The following CCSER1 variants were observed in gnomAD, a reference collection of about 807,000 sequenced individuals.
CCSER1 encodes the protein serine-rich coiled-coil domain-containing protein 1.
Under a neutral mutation model 82.0 loss-of-function variants are expected in CCSER1, and 41 were observed. That is an observed-to-expected ratio of 0.50 (90% CI 0.39 to 0.65). The LOEUF (loss-of-function observed/expected upper bound fraction) is 0.65, where lower values mean the gene tolerates loss of function less well. CCSER1 is among the 30% of genes least tolerant of loss of function. CCSER1 has a pLI of 0.00. For synonymous variants in CCSER1, 414 were observed against 383.9 expected (o/e 1.08, Z -0.92); for missense variants, 1,119 against 1,064.2 (o/e 1.05, Z -0.72).
chr4:91,108,852 G>A (rs1263467082), intron 10 of CCSER1, among the ~76,000 whole-genome samples: 1 of 152,128 alleles, frequency 6.6e-6, no homozygotes, highest in Non-Finnish European at 1.5e-5. Context: ...ATTATTTTTG[G>A]GTATGTCTGC....
intron 5 of CCSER1, among the ~76,000 whole-genome samples, chr4:90,506,199 C>A (rs1770655508): frequency 6.6e-6 from 1 of 151,768 alleles, no homozygotes; most frequent in Admixed American, 6.6e-5. Context: ...GAAATTTTTC[C>A]CAAAGGGATA....
intron 8 of CCSER1, among the ~76,000 whole-genome samples, chr4:90,900,412 A>G (rs1420975952): frequency 6.6e-6 from 1 of 151,798 alleles, no homozygotes; most frequent in Non-Finnish European, 1.5e-5. Flanking sequence ...AAGAATCAAC[A>G]TTTTATTTCG....
intron 10 of CCSER1, among the ~76,000 whole-genome samples, chr4:91,271,702 T>C (rs1388877295): frequency 6.6e-6 from 1 of 151,700 alleles, no homozygotes; most frequent in Non-Finnish European, 1.5e-5. Context: ...ATATATATGA[T>C]ATACATATAT....
intron 5 of CCSER1, among the ~76,000 whole-genome samples, chr4:90,567,307 A>ATTTTTTTTT (rs34947960): frequency 3.5e-4 from 49 of 138,718 alleles, no homozygotes; most frequent in African/African-American, 1.2e-3. Context: ...TTGTCTCTGG[A>ATTTTTTTTT]TTTTTTTTTT....
chr4:91,126,637 A>G (rs1727545262), intron 10 of CCSER1, among the ~76,000 whole-genome samples: 1 of 152,026 alleles, frequency 6.6e-6, no homozygotes. Context: ...ATGGCAGCAT[A>G]TAAATTATTT....
intron 6 of CCSER1, among the ~76,000 whole-genome samples, chr4:90,672,342 C>CT (rs1017068615): frequency 6.6e-6 from 1 of 152,044 alleles, no homozygotes; most frequent in Non-Finnish European, 1.5e-5. Flanking sequence ...TCACCTTTCA[C>CT]TTTTATGTTA....
At chr4:90,289,945 TAGTG>T (rs1730607926) in intron 1 of CCSER1, among the ~76,000 whole-genome samples, 1 of 151,618 alleles carries the variant, frequency 6.6e-6, no homozygotes, top group Non-Finnish European at 1.5e-5. Flanking sequence ...TGCCCAAAGT[TAGTG>T]AGAGCAGAAA....
chr4:91,518,724 C>T (rs1442495261), intron 10 of CCSER1, among the ~76,000 whole-genome samples: 3 of 152,256 alleles, frequency 2.0e-5, no homozygotes, highest in African/African-American at 7.2e-5. Flanking sequence ...TTTCCTTAGA[C>T]CAAGAGAAAC....
At chr4:90,497,110 TAATC>T (rs1309506781) in intron 5 of CCSER1, among the ~76,000 whole-genome samples, 2 of 152,038 alleles carry the variant, frequency 1.3e-5, no homozygotes, top group East Asian at 1.9e-4. Flanking sequence ...GAAATGCTAA[TAATC>T]AAAGTAACAT....
chr4:91,299,480 A>G (rs1487974039), intron 10 of CCSER1, among the ~76,000 whole-genome samples: 3 of 151,956 alleles, frequency 2.0e-5, no homozygotes, highest in Non-Finnish European at 2.9e-5. Context: ...ACACTAATTT[A>G]TTTAGTACTT....
At chr4:90,233,896 A>G (rs1261382996) in intron 1 of CCSER1, among the ~76,000 whole-genome samples, 1 of 152,178 alleles carries the variant, frequency 6.6e-6, no homozygotes, top group African/African-American at 2.4e-5. Context: ...CATTTATTGG[A>G]CACAATTAAA....
intron 10 of CCSER1, among the ~76,000 whole-genome samples, chr4:91,098,544 A>ATT (rs1273556605): frequency 3.5e-4 from 51 of 145,522 alleles, no homozygotes; most frequent in Middle Eastern, 3.5e-3. Context: ...ACTGGAGATA[A>ATT]TTTTTTTTTT....
At chr4:91,425,614 C>A (rs1311497475) in intron 10 of CCSER1, among the ~76,000 whole-genome samples, 1 of 151,714 alleles carries the variant, frequency 6.6e-6, no homozygotes, top group Non-Finnish European at 1.5e-5. Context: ...AGAATGGACC[C>A]AATTCAACTT....
intron 3 of CCSER1, among the ~76,000 whole-genome samples, chr4:90,385,584 C>T (rs1429383660): frequency 6.6e-6 from 1 of 151,184 alleles, no homozygotes; most frequent in African/African-American, 2.4e-5. Context: ...CTCAGCCTCC[C>T]GAGTAGCTAG....
intron 1 of CCSER1, among the ~76,000 whole-genome samples, chr4:90,137,916 C>T (rs1417391357): frequency 6.6e-6 from 1 of 152,162 alleles, no homozygotes; most frequent in Non-Finnish European, 1.5e-5. Context: ...AAAGTAAACT[C>T]ATGGAAGCCC....
At chr4:91,266,643 G>T (rs572044687) in intron 10 of CCSER1, among the ~76,000 whole-genome samples, 3 of 152,070 alleles carry the variant, frequency 2.0e-5, no homozygotes, top group Non-Finnish European at 2.9e-5. Context: ...AAAGGGCTTG[G>T]TCTCATGTTA....
intron 3 of CCSER1, among the ~76,000 whole-genome samples, chr4:90,350,253 G>T (rs2153511200): frequency 6.6e-6 from 1 of 152,176 alleles, no homozygotes; most frequent in African/African-American, 2.4e-5. Flanking sequence ...GTGGAAAAAA[G>T]AGGGTGCAGG....
intron 10 of CCSER1, among the ~76,000 whole-genome samples, chr4:91,339,438 C>T (rs546729094): frequency 1.1e-4 from 16 of 152,036 alleles, no homozygotes; most frequent in African/African-American, 3.9e-4. Flanking sequence ...GTTACTTTAT[C>T]CGAGTTAATA....
intron 10 of CCSER1, among the ~76,000 whole-genome samples, chr4:91,439,790 C>T: frequency 6.6e-6 from 1 of 150,746 alleles, no homozygotes; most frequent in Admixed American, 6.6e-5. Flanking sequence ...AAATGGAAAA[C>T]AAAAAAAAGG....
Sources: allele counts gnomAD v4.1 joint callset (sites outside exome capture counted in the v4.1 genomes callset), GRCh38; gene constraint gnomAD v4.1.1; transcripts MANE v1.5; gene names NCBI Gene and HGNC (gene_info 2026-07-23, HGNC 2026-07-21).